The following CADPS2 variants were observed in gnomAD, a reference collection of about 807,000 sequenced individuals.
The protein encoded by CADPS2 is calcium-dependent secretion activator 2.
CADPS2 carries 93 observed loss-of-function variants against 172.5 expected under a neutral mutation model. That is an observed-to-expected ratio of 0.54 (90% CI 0.46 to 0.64). The LOEUF is 0.64. Ranked by LOEUF, CADPS2 falls within the 30% of genes least tolerant of loss-of-function variation. The pLI is 0.00. For missense variants in CADPS2, 1,420 were observed against 1,565.9 expected (o/e 0.91, Z 1.57); for synonymous variants, 546 against 555.2 (o/e 0.98, Z 0.23).
intron 25 of CADPS2, among the ~76,000 whole-genome samples, chr7:122,373,813 CA>C: frequency 6.6e-6 from 1 of 152,016 alleles, no homozygotes; most frequent in South Asian, 2.1e-4. Context: ...TGAATTCCAC[CA>C]AACATTTAAA....
chr7:122,391,019 T>C (rs2044299224), intron 22 of CADPS2, among the ~76,000 whole-genome samples: 1 of 152,074 alleles, frequency 6.6e-6, no homozygotes, highest in African/African-American at 2.4e-5. Context: ...GGCAGGGATG[T>C]ATCTTCAAAA....
chr7:122,816,890 C>G (rs1433868731), intron 1 of CADPS2, among the ~76,000 whole-genome samples: 2 of 151,458 alleles, frequency 1.3e-5, no homozygotes, highest in African/African-American at 4.9e-5. Context: ...AATGGCCGAT[C>G]CTTGCCTTAA....
chr7:122,406,301 G>T (rs1341694999), intron 20 of CADPS2, among the ~76,000 whole-genome samples: 1 of 152,166 alleles, frequency 6.6e-6, no homozygotes, highest in Non-Finnish European at 1.5e-5. Context: ...ATGAGTTTAG[G>T]TTTACAACCA....
At chr7:122,372,491 G>T (rs1003777314) in intron 25 of CADPS2, among the ~76,000 whole-genome samples, 5 of 152,140 alleles carry the variant, frequency 3.3e-5, no homozygotes, top group African/African-American at 9.7e-5. Flanking sequence ...ACTTGGGCTC[G>T]TTCTCATGTT....
chr7:122,754,413 T>G (rs1439424989), intron 1 of CADPS2, among the ~76,000 whole-genome samples: 2 of 152,218 alleles, frequency 1.3e-5, no homozygotes, highest in Non-Finnish European at 1.5e-5. Flanking sequence ...TAAAATGACT[T>G]ACTAAAAGGC....
chr7:122,741,482 G>A (rs1281766104), intron 1 of CADPS2, among the ~76,000 whole-genome samples: 1 of 152,094 alleles, frequency 6.6e-6, no homozygotes, highest in Non-Finnish European at 1.5e-5. Flanking sequence ...GAAGCACTGT[G>A]AATACCTTAA....
intron 8 of CADPS2, among the ~76,000 whole-genome samples, chr7:122,537,461 C>T (rs1187344727): frequency 6.6e-6 from 1 of 151,168 alleles, no homozygotes; most frequent in Non-Finnish European, 1.5e-5. Context: ...AAATTTTACA[C>T]AAAAACTCAA....
intron 8 of CADPS2, among the ~76,000 whole-genome samples, chr7:122,550,806 G>A (rs1471735444): frequency 6.6e-6 from 1 of 151,978 alleles, no homozygotes; most frequent in Non-Finnish European, 1.5e-5. Flanking sequence ...TTCAAAAGCT[G>A]GATGTGAATC....
chr7:122,808,895 G>C (rs1799386672), intron 1 of CADPS2, among the ~76,000 whole-genome samples: 1 of 151,972 alleles, frequency 6.6e-6, no homozygotes, highest in East Asian at 1.9e-4. Flanking sequence ...ATATATGTAT[G>C]GTAAATATGC....
At chr7:122,516,957 A>G (rs976592830) in intron 8 of CADPS2, among the ~76,000 whole-genome samples, 9 of 152,202 alleles carry the variant, frequency 5.9e-5, no homozygotes, top group Admixed American at 3.3e-4. Context: ...ATCTAATTTG[A>G]TAAGTATTGA....
At chr7:122,750,829 T>G (rs2092922955) in intron 1 of CADPS2, among the ~76,000 whole-genome samples, 1 of 152,094 alleles carries the variant, frequency 6.6e-6, no homozygotes, top group African/African-American at 2.4e-5. Flanking sequence ...GCTGTATAGT[T>G]TTAAAGTTCC....
chr7:122,707,159 G>A (rs1028074727), intron 2 of CADPS2, among the ~76,000 whole-genome samples: 14 of 151,676 alleles, frequency 9.2e-5, no homozygotes, highest in African/African-American at 2.2e-4. Context: ...ACCATTAACC[G>A]CAACAAACAT....
intron 25 of CADPS2, among the ~76,000 whole-genome samples, chr7:122,376,882 T>A (rs547414434): frequency 6.6e-6 from 1 of 152,146 alleles, no homozygotes; most frequent in Non-Finnish European, 1.5e-5. Context: ...TTCTGTCTGT[T>A]AATATCTCAA....
chr7:122,436,554 A>C (rs2050668780), intron 17 of CADPS2, among the ~76,000 whole-genome samples: 1 of 151,788 alleles, frequency 6.6e-6, no homozygotes. Context: ...GGAGAGGGAG[A>C]TGATGAAAAA....
intron 18 of CADPS2, among the ~76,000 whole-genome samples, chr7:122,415,246 C>T (rs2047742623): frequency 6.6e-6 from 1 of 152,154 alleles, no homozygotes; most frequent in Admixed American, 6.5e-5. Flanking sequence ...TTGTTTTCTA[C>T]TAAAGTTTTG....
chr7:122,494,620 T>C (rs1156817883), intron 9 of CADPS2, among the ~76,000 whole-genome samples: 2 of 151,388 alleles, frequency 1.3e-5, no homozygotes, highest in East Asian at 3.9e-4. Flanking sequence ...AAATGATAGG[T>C]TATTTTATTT....
chr7:122,412,011 T>A (rs1169057932), intron 19 of CADPS2, among the ~76,000 whole-genome samples: 1 of 152,208 alleles, frequency 6.6e-6, no homozygotes, highest in Non-Finnish European at 1.5e-5. Context: ...CAGTAAATAA[T>A]GAACAAACAT....
At chr7:122,461,030 T>G (rs1223756010) in intron 14 of CADPS2, among the ~76,000 whole-genome samples, 2 of 152,222 alleles carry the variant, frequency 1.3e-5, no homozygotes, top group African/African-American at 2.4e-5. Context: ...CGGAGTTGTA[T>G]AGTTGTAACA....
intron 1 of CADPS2, among the ~76,000 whole-genome samples, chr7:122,854,218 A>G (rs893180843): frequency 6.6e-6 from 1 of 152,032 alleles, no homozygotes; most frequent in Non-Finnish European, 1.5e-5. Flanking sequence ...AAATTGGCCA[A>G]GAGTGGTGGG....
Sources: gnomAD v4.1 joint callset for allele counts (sites outside exome capture counted in the v4.1 genomes callset) on GRCh38, gnomAD v4.1.1 for gene constraint, MANE v1.5 for transcripts, NCBI Gene and HGNC (gene_info 2026-07-23, HGNC 2026-07-21) for gene names.